PTPRD: variants seen among roughly 807,000 people sequenced by gnomAD.
The protein encoded by PTPRD is receptor-type tyrosine-protein phosphatase delta.
In PTPRD, 34 loss-of-function variants were observed where a neutral mutation model predicts 214.5. That is an observed-to-expected ratio of 0.16 (90% confidence interval 0.12 to 0.21). PTPRD has a LOEUF of 0.21. PTPRD is among the 10% of genes least tolerant of loss of function. The pLI, the probability that PTPRD is intolerant of heterozygous loss-of-function variation, is 1.00. For missense variants in PTPRD, 2,545 were observed against 2,398.7 expected (o/e 1.06, Z -1.27); for synonymous variants, 1,128 against 845.7 (o/e 1.33, Z -5.79).
intron 3 of PTPRD, among the ~76,000 whole-genome samples, chr9:10,095,553 C>T (rs2098474691): frequency 6.6e-6 from 1 of 151,456 alleles, no homozygotes; most frequent in South Asian, 2.1e-4. Flanking sequence ...GTGGTGCCTT[C>T]TCTATATACC....
At chr9:10,509,912 A>T (rs1306872509) in intron 2 of PTPRD, among the ~76,000 whole-genome samples, 1 of 152,048 alleles carries the variant, frequency 6.6e-6, no homozygotes, top group African/African-American at 2.4e-5. Context: ...ATTCCATTTC[A>T]GTACCTCCAA....
At chr9:9,936,422 A>G (rs2089435194) in intron 5 of PTPRD, among the ~76,000 whole-genome samples, 1 of 151,930 alleles carries the variant, frequency 6.6e-6, no homozygotes, top group Admixed American at 6.5e-5. Flanking sequence ...AAGGACATGA[A>G]CAGACACTTC....
chr9:10,394,550 C>T (rs2098132532), intron 2 of PTPRD, among the ~76,000 whole-genome samples: 1 of 151,786 alleles, frequency 6.6e-6, no homozygotes, highest in East Asian at 1.9e-4. Context: ...AGAGAATGCA[C>T]ACCATGAAAC....
chr9:8,490,061 G>A (rs550294456), intron 27 of PTPRD, among the ~76,000 whole-genome samples: 1 of 152,248 alleles, frequency 6.6e-6, no homozygotes, highest in South Asian at 2.1e-4. Context: ...TATAAGTCAT[G>A]CCAGCTGTTG....
chr9:8,339,013 G>T lies in PTPRD; in HGVS notation c.5288C>A (p.Ser1763Tyr). ...TACAACAAAGTACTGGTATCTTGCA[G>T]ACCGTTCTGCTGGCCAGTATTGGTG... ...KCHQYWPAER[S>Y]ARYQYFVVDP... The change falls in exon 43 of 46, where the codon TCT becomes TAT. Residue 1763 changes from serine to tyrosine, a missense_variant. By Grantham distance (144) the Ser-to-Tyr change is moderately radical. Coordinates refer to ENST00000381196, the MANE Select transcript of PTPRD (RefSeq NM_002839.4). 6.2e-7 allele frequency: 1 copy of T among 1,612,284 alleles called. No homozygotes were observed. Among genetic ancestry groups the T allele is most frequent in the Admixed American group, 1.7e-5 (1 of 59,858 alleles).
At chr9:10,540,775 A>G (rs1391065871) in intron 2 of PTPRD, among the ~76,000 whole-genome samples, 1 of 152,202 alleles carries the variant, frequency 6.6e-6, no homozygotes, top group Non-Finnish European at 1.5e-5. Context: ...GGCTTTGTTT[A>G]CAAGTAACAT....
chr9:9,944,141 CT>C (rs1397246146), intron 4 of PTPRD, among the ~76,000 whole-genome samples: 2 of 152,116 alleles, frequency 1.3e-5, no homozygotes, highest in African/African-American at 4.8e-5. Context: ...TGGCTGAAGC[CT>C]TTGTTGAGAT....
At chr9:10,310,391 C>CT (rs2096236489) in intron 3 of PTPRD, among the ~76,000 whole-genome samples, 1 of 151,462 alleles carries the variant, frequency 6.6e-6, no homozygotes, top group African/African-American at 2.4e-5. Context: ...AGAGGCTTAT[C>CT]AAAAGAAAAA....
At chr9:9,923,123 G>T (rs66605413) in intron 5 of PTPRD, among the ~76,000 whole-genome samples, 4,119 of 144,982 alleles carry the variant, frequency 0.028, 65 homozygotes, top group South Asian at 0.044. Flanking sequence ...GTGTGTGGGG[G>T]GTGTGTGTGT....
chr9:9,915,164 G>A (rs750981619), intron 5 of PTPRD, among the ~76,000 whole-genome samples: 2 of 152,110 alleles, frequency 1.3e-5, no homozygotes, highest in Admixed American at 6.5e-5. Context: ...CAACACAAAT[G>A]TGTCTACCTA....
intron 8 of PTPRD, among the ~76,000 whole-genome samples, chr9:9,542,448 A>C (rs138337178): frequency 1.3e-5 from 2 of 151,890 alleles, no homozygotes; most frequent in Admixed American, 1.3e-4. Flanking sequence ...ACTAACAATA[A>C]AAAAGTTATA....
chr9:8,565,993 G>A (rs2088898839), intron 14 of PTPRD, among the ~76,000 whole-genome samples: 1 of 152,104 alleles, frequency 6.6e-6, no homozygotes, highest in Non-Finnish European at 1.5e-5. Context: ...TCAAATATGT[G>A]AAGGTTATAA....
intron 3 of PTPRD, among the ~76,000 whole-genome samples, chr9:10,268,875 C>A (rs1168621566): frequency 1.3e-5 from 2 of 152,164 alleles, no homozygotes; most frequent in African/African-American, 4.8e-5. Context: ...CCATCTAGGG[C>A]AGGGATTTTC....
chr9:8,448,354 C>A (rs538896905), intron 34 of PTPRD, among the ~76,000 whole-genome samples: 77 of 152,044 alleles, frequency 5.1e-4, no homozygotes, highest in Admixed American at 1.4e-3. Context: ...AAACAAACAA[C>A]CAAAAACAAA....
At chr9:10,155,760 A>G (rs887081816) in intron 3 of PTPRD, among the ~76,000 whole-genome samples, 2 of 152,134 alleles carry the variant, frequency 1.3e-5, no homozygotes, top group Admixed American at 6.6e-5. Flanking sequence ...TGATTTGCCT[A>G]TATTGAACCA....
chr9:10,350,926 T>C (rs918650541), intron 2 of PTPRD, among the ~76,000 whole-genome samples: 12 of 152,126 alleles, frequency 7.9e-5, no homozygotes, highest in Admixed American at 3.9e-4. Flanking sequence ...AGTCATAAAA[T>C]GGTGATGATA....
At chr9:8,660,387 G>C (rs1018813837) in intron 12 of PTPRD, among the ~76,000 whole-genome samples, 7 of 152,098 alleles carry the variant, frequency 4.6e-5, no homozygotes, top group African/African-American at 1.2e-4. Context: ...AGTGCTTTGA[G>C]GGTTAAGCCC....
chr9:9,322,340 C>T (rs1030609649), intron 9 of PTPRD, among the ~76,000 whole-genome samples: 6 of 152,068 alleles, frequency 3.9e-5, no homozygotes, highest in African/African-American at 1.4e-4. Flanking sequence ...TGTATATTGT[C>T]ATACATAATT....
At chr9:9,031,933 T>A (rs1316910399) in intron 10 of PTPRD, among the ~76,000 whole-genome samples, 5 of 152,090 alleles carry the variant, frequency 3.3e-5, no homozygotes, top group African/African-American at 9.7e-5. Context: ...ATTGGTCTTA[T>A]CTACAGATTT....
Sources: allele counts gnomAD v4.1 joint callset (sites outside exome capture counted in the v4.1 genomes callset), GRCh38; gene constraint gnomAD v4.1.1; transcripts MANE v1.5; gene names NCBI Gene and HGNC (gene_info 2026-07-23, HGNC 2026-07-21).